Variants in CPNE4 observed in about 807,000 individuals in gnomAD.
CPNE4 encodes the protein copine 4.
In CPNE4, 25 loss-of-function variants were observed where a neutral mutation model predicts 67.9. The observed-to-expected ratio is 0.37, with a 90% CI of 0.27 to 0.51. The LOEUF is 0.51. Among genes scored for constraint, CPNE4 ranks in the 20% least tolerant of loss-of-function variants. The pLI, the probability that CPNE4 is intolerant of heterozygous loss-of-function variation, is 0.93. For synonymous variants in CPNE4, 242 were observed against 244.9 expected, an observed-to-expected ratio of 0.99 and a Z score of 0.11; for missense variants, 464 against 690.8, an observed-to-expected ratio of 0.67 and a Z score of 3.68.
At chr3:131,901,715 T>G (rs1009963512) in intron 2 of CPNE4, among the ~76,000 whole-genome samples, 3 of 152,086 alleles carry the variant, frequency 2.0e-5, no homozygotes, top group African/African-American at 7.2e-5. Context: ...ATCCAGCTTC[T>G]GCTGGATGGC....
intron 7 of CPNE4, among the ~76,000 whole-genome samples, chr3:131,641,383 T>A (rs1381985497): frequency 6.6e-5 from 10 of 151,860 alleles, no homozygotes; most frequent in Non-Finnish European, 8.8e-5. Flanking sequence ...AAAGAAGATA[T>A]ACAAATGGGT....
intron 1 of CPNE4, among the ~76,000 whole-genome samples, chr3:131,925,837 C>A (rs1049252477): frequency 2.6e-5 from 4 of 152,116 alleles, no homozygotes; most frequent in South Asian, 2.1e-4. Flanking sequence ...TAAACATAGG[C>A]ATTCTGACTT....
At chr3:131,725,501 A>C (rs2081980908) in intron 2 of CPNE4, among the ~76,000 whole-genome samples, 1 of 152,220 alleles carries the variant, frequency 6.6e-6, no homozygotes, top group African/African-American at 2.4e-5. Context: ...CCCCAGGAAG[A>C]CCCAGCTTCT....
chr3:131,707,882 T>G (rs1034057248), intron 3 of CPNE4, among the ~76,000 whole-genome samples: 1 of 152,196 alleles, frequency 6.6e-6, no homozygotes, highest in Non-Finnish European at 1.5e-5. Context: ...CTCCCTGGTA[T>G]GGAACCCTGG....
intron 1 of CPNE4, among the ~76,000 whole-genome samples, chr3:131,955,410 G>GTTTTTTTTT (rs766033406): frequency 0.015 from 635 of 41,812 alleles, 56 homozygotes; most frequent in Admixed American, 0.019. Context: ...TGTATGTAAG[G>GTTTTTTTTT]TTTTTTTTTT....
intron 2 of CPNE4, among the ~76,000 whole-genome samples, chr3:131,847,901 GGTA>G (rs1347390150): frequency 6.6e-6 from 1 of 152,124 alleles, no homozygotes; most frequent in Non-Finnish European, 1.5e-5. Context: ...CCAGGATTTA[GGTA>G]GTAGGTCTCT....
chr3:131,955,356 C>CA (rs1281132028), intron 1 of CPNE4, among the ~76,000 whole-genome samples: 5 of 139,520 alleles, frequency 3.6e-5, no homozygotes, highest in East Asian at 2.2e-4. Flanking sequence ...TTTTTTCTCA[C>CA]AAAAAAGTGT....
At chr3:131,537,568 C>G in intron 15 of CPNE4, 1 of 256,190 alleles carries the variant, frequency 3.9e-6, no homozygotes, top group Non-Finnish European at 7.6e-6. Context: ...CAGGCGTGAG[C>G]CACCGCACCC....
rs1935002168 is a variant in CPNE4, at chr3:131,533,791, T to C, written c.*1404A>G. On this transcript the variant is annotated 3_prime_UTR_variant, in exon 16 of 16. Transcript: ENST00000429747. Reference sequence around the variant, plus strand: ...CAAACAACAAATTTTGCCTTGTGATTTACTTCTTCATCTCTCTGACCAAAA... The same window carrying C: ...CAAACAACAAATTTTGCCTTGTGATCTACTTCTTCATCTCTCTGACCAAAA... 1 of 152,172 alleles carries C rather than the reference T, an allele frequency of 6.6e-6. No individual in the cohort carries two copies. Among genetic ancestry groups the C allele is most frequent in the Non-Finnish European group, 1.5e-5 (1 of 68,028 alleles). 9.4% of individuals were successfully genotyped at this position (152,172 alleles called of 1,614,324 possible).
intron 2 of CPNE4, among the ~76,000 whole-genome samples, chr3:131,890,121 C>A (rs556928624): frequency 6.6e-6 from 1 of 151,982 alleles, no homozygotes; most frequent in South Asian, 2.1e-4. Flanking sequence ...ATGCGCGACA[C>A]AGAAAACAGT....
chr3:131,715,167 G>C (rs902675994), intron 3 of CPNE4, among the ~76,000 whole-genome samples: 2 of 152,134 alleles, frequency 1.3e-5, no homozygotes, highest in Non-Finnish European at 2.9e-5. Context: ...GCACCTTCTG[G>C]GTGCTGAGTT....
chr3:131,968,529 C>A (rs1331816819), intron 1 of CPNE4, among the ~76,000 whole-genome samples: 1 of 151,972 alleles, frequency 6.6e-6, no homozygotes, highest in Non-Finnish European at 1.5e-5. Context: ...ACAATCCCAT[C>A]GAAAGTGGGC....
chr3:131,562,890 C>CT (rs1936851580), intron 11 of CPNE4, among the ~76,000 whole-genome samples: 1 of 152,106 alleles, frequency 6.6e-6, no homozygotes, highest in East Asian at 1.9e-4. Flanking sequence ...TAACTATTGA[C>CT]TTTTTTCCTG....
At chr3:131,657,575 G>T (rs1411311820) in intron 7 of CPNE4, among the ~76,000 whole-genome samples, 1 of 136,992 alleles carries the variant, frequency 7.3e-6, no homozygotes, top group Non-Finnish European at 1.5e-5. Context: ...TCACTCTGTC[G>T]CCAGGCTGGA....
intron 6 of CPNE4, among the ~76,000 whole-genome samples, chr3:131,685,509 C>T (rs1480350125): frequency 2.0e-5 from 3 of 151,912 alleles, no homozygotes; most frequent in Non-Finnish European, 2.9e-5. Context: ...GGAGGCTGGG[C>T]GCGGTGGCTC....
chr3:131,558,365 C>A (rs1012974495), intron 11 of CPNE4, among the ~76,000 whole-genome samples: 1 of 151,972 alleles, frequency 6.6e-6, no homozygotes, highest in Non-Finnish European at 1.5e-5. Context: ...CATCTGTATA[C>A]TAACGCTTTA....
chr3:131,768,377 A>C (rs1274579630), intron 2 of CPNE4, among the ~76,000 whole-genome samples: 3 of 152,154 alleles, frequency 2.0e-5, no homozygotes, highest in Admixed American at 6.6e-5. Context: ...TAATATCCTG[A>C]GCCCAGAATG....
intron 2 of CPNE4, among the ~76,000 whole-genome samples, chr3:131,825,493 CA>C (rs371197777): frequency 0.081 from 9,254 of 114,248 alleles, 690 homozygotes; most frequent in African/African-American, 0.23. Context: ...GAGACTCCGT[CA>C]AAAAAAAAAA....
chr3:131,993,816 G>A (rs1332015329), intron 1 of CPNE4, among the ~76,000 whole-genome samples: 1 of 136,062 alleles, frequency 7.3e-6, no homozygotes, highest in Non-Finnish European at 1.7e-5. Flanking sequence ...TATCGGAGTA[G>A]AGATCTTTAC....
Sources: gnomAD v4.1 joint callset for allele counts (sites outside exome capture counted in the v4.1 genomes callset) on GRCh38, gnomAD v4.1.1 for gene constraint, MANE v1.5 for transcripts, NCBI Gene and HGNC (gene_info 2026-07-23, HGNC 2026-07-21) for gene names.